Variants in MARF1 observed in about 807,000 individuals in gnomAD.
MARF1 encodes meiosis regulator and mRNA stability factor 1.
A neutral mutation model predicts 168.2 loss-of-function variants in MARF1; 24 were observed. That is an observed-to-expected ratio of 0.14 (90% CI 0.10 to 0.20). MARF1 has a LOEUF of 0.20. MARF1 is among the 10% of genes least tolerant of loss of function. MARF1 has a pLI of 1.00. For synonymous variants in MARF1, 868 were observed against 822.4 expected (o/e 1.06, Z -0.95); for missense variants, 1,744 against 2,143.6 (o/e 0.81, Z 3.68).
At chr16:15,607,980 G>A (rs778305593) in intron 21 of MARF1, among the ~76,000 whole-genome samples, 1 of 152,180 alleles carries the variant, frequency 6.6e-6, no homozygotes, top group Non-Finnish European at 1.5e-5. Flanking sequence ...GGCCAGCAGT[G>A]CTGAGGCAGC....
chr16:15,604,066 C>T (rs1004212485), intron 22 of MARF1, 102 bp downstream of exon 22: 2 of 886,278 alleles, frequency 2.3e-6, no homozygotes, highest in South Asian at 1.6e-5. Context: ...TCTCTCGGGT[C>T]CCTTCCAGCT....
rs778381855 is a variant in MARF1 at position 15,595,644 on chromosome 16, CAT to C, written c.*1047_*1048del. The C allele has an allele frequency of 1.3e-5, 2 of 152,222 alleles. No homozygotes were observed. Among genetic ancestry groups the C allele is most frequent in the East Asian group, 1.9e-4 (1 of 5,186 alleles). 9.4% of individuals were successfully genotyped at this position (152,222 alleles called of 1,614,324 possible). A position where few individuals can be genotyped will look rare whatever the true frequency, so the allele number is the denominator to read the frequency against. ...ACACGATTAAAAGATGCTGAGCTGA[CAT>C]ACACACACATAAAGCTTCCCAGCTA... On this transcript the variant is annotated 3_prime_UTR_variant, in exon 27 of 27. Coordinates refer to ENST00000396368, the MANE Select transcript of MARF1 (RefSeq NM_014647.4).
chr16:15,601,178 C>G, intron 23 of MARF1: 1 of 436,266 alleles, frequency 2.3e-6, no homozygotes, highest in South Asian at 1.6e-5. Context: ...TGGAGCTAGG[C>G]TCCCAGGCCC....
At chr16:15,601,357 C>T in intron 23 of MARF1, 2 of 292,776 alleles carry the variant, frequency 6.8e-6, no homozygotes, top group South Asian at 6.6e-5. Flanking sequence ...TTCCCTTCTC[C>T]ATGCCTGCTT....
chr16:15,595,344 T>G lies in MARF1; in HGVS notation c.*1349A>C, dbSNP rs2031576206. ...GAAATCAGAGTCCATTTTCTGGCTT[T>G]CTAGAAGTTACCAAATATAAACATT... is the stretch of plus-strand genomic sequence containing the variant. On this transcript the variant is annotated 3_prime_UTR_variant, in exon 27 of 27. Transcript: ENST00000396368. The G allele has an allele frequency of 6.6e-6, 1 of 152,656 alleles. No individual in the cohort carries two copies. Among genetic ancestry groups the G allele is most frequent in the Admixed American group, 6.5e-5 (1 of 15,284 alleles). The allele number at this position is 152,656 out of a possible 1,614,324, so 9.5% of individuals were successfully genotyped here. A position where few individuals can be genotyped will look rare whatever the true frequency, so the allele number is the denominator to read the frequency against.
At chr16:15,623,273 T>TA in intron 10 of MARF1, 150 bp from the exon 11 acceptor site, 53 of 323,772 alleles carry the variant, frequency 1.6e-4, no homozygotes, top group Non-Finnish European at 2.0e-4. Flanking sequence ...GTGTTTTTAA[T>TA]CTTTTTTTTT....
At chr16:15,608,183 G>A (rs1398401749) in intron 21 of MARF1, 108 bp downstream of exon 21, 1 of 681,242 alleles carries the variant, frequency 1.5e-6, no homozygotes, top group Non-Finnish European at 2.5e-6. Flanking sequence ...GTAGTTCAAG[G>A]TGTAAATAAA....
At chr16:15,617,615 GAAC>G (rs1947479878) in intron 13 of MARF1, 80 bp from the exon 14 acceptor site, 13 of 919,728 alleles carry the variant, frequency 1.4e-5, no homozygotes, top group South Asian at 1.4e-4. Context: ...TTTAAATAAA[GAAC>G]AATAACCAAG....
At chr16:15,627,195 T>A (rs1180808012) in intron 7 of MARF1, among the ~76,000 whole-genome samples, 1 of 151,018 alleles carries the variant, frequency 6.6e-6, no homozygotes, top group East Asian at 2.0e-4. Context: ...CTATTAAAAA[T>A]TTTTAAAAAT....
intron 23 of MARF1, chr16:15,601,545 T>G: frequency 4.1e-6 from 1 of 243,886 alleles, no homozygotes; most frequent in South Asian, 5.9e-5. Context: ...ACCCTGCATC[T>G]GCTCATGTCA....
Position 15,600,421 on chromosome 16 carries a change from C to G in MARF1, c.4813+7G>C. On this transcript the variant is annotated splice_region_variant and intron_variant, in intron 25 of 26. Transcript: ENST00000396368. ...AAGCTCCTATGTCTCTGCTTTTCCT[C>G]TCTTACCACTGCCGTCAGCTCCAAG... 1.9e-6 allele frequency: 3 copies of G among 1,614,166 alleles called. No homozygotes were observed. Among genetic ancestry groups the G allele is most frequent in the Admixed American group, 1.7e-5 (1 of 60,030 alleles).
intron 13 of MARF1, among the ~76,000 whole-genome samples, chr16:15,619,192 A>T (rs1373506679): frequency 6.6e-6 from 1 of 152,228 alleles, no homozygotes; most frequent in Non-Finnish European, 1.5e-5. Flanking sequence ...TGGGAGGATC[A>T]TCTGAGTCCA....
intron 24 of MARF1, 29 bp from the exon 25 acceptor site, chr16:15,600,582 G>C (rs1447225715): frequency 1.2e-6 from 2 of 1,614,216 alleles, no homozygotes; most frequent in East Asian, 2.2e-5. Flanking sequence ...CCGTCAGAGA[G>C]AAATGTCAGT....
intron 23 of MARF1, 173 bp from the exon 24 acceptor site, chr16:15,600,874 T>C (rs983833857): frequency 4.5e-5 from 33 of 736,548 alleles, no homozygotes; most frequent in Middle Eastern, 5.1e-4. Flanking sequence ...CAACAGAAGC[T>C]GACAGAAACA....
Position 15,630,365 on chromosome 16 carries a change from G to A in MARF1, c.1491C>T (p.Ser497=). The A allele has an allele frequency of 2.5e-6, 4 of 1,604,692 alleles. No homozygotes were observed. The highest frequency in any genetic ancestry group is 1.3e-5 in the African/African-American group (1 of 74,686). ...NELIRFEEFI[S]DLPPRLPLKM... ...TTAGTGGTAACCTGGGGGGCAAGTC[G>A]GAAATGAACTCTTCAAATCTGATCA... The change falls in exon 7 of 27, where the codon TCC becomes TCT. Residue 497 remains serine (S), a synonymous_variant. Transcript: ENST00000396368.
At position 15,594,494 on chromosome 16, in the gene MARF1, A is replaced by C. The variant is rs1366983110; in HGVS notation, c.*2199T>G. On this transcript the variant is annotated 3_prime_UTR_variant, in exon 27 of 27. Transcript: ENST00000396368. ...AACAAAGTAGACAACTAAGAAAAACATCTCTTTCCCCCAAACCCAATCCAA... is the reference window on the plus strand; with the variant it reads ...AACAAAGTAGACAACTAAGAAAAACCTCTCTTTCCCCCAAACCCAATCCAA... 6.6e-6 allele frequency: 1 copy of C among 152,648 alleles called. No individual in the cohort carries two copies. The highest frequency in any genetic ancestry group is 1.5e-5 in the Non-Finnish European group (1 of 68,036). The allele number at this position is 152,648 out of a possible 1,614,324, so 9.5% of individuals were successfully genotyped here. A position where few individuals can be genotyped will look rare whatever the true frequency, so the allele number is the denominator to read the frequency against.
chr16:15,609,867 C>T lies in MARF1; in HGVS notation c.3752-142G>A. 3 of 680,952 alleles carry T rather than the reference C, an allele frequency of 4.4e-6. No individual in the cohort carries two copies. In the South Asian group the frequency reaches 5.8e-5, roughly 13 times the overall value. 42.2% of individuals were successfully genotyped at this position (680,952 alleles called of 1,614,324 possible). Reference sequence around the variant, plus strand: ...AAACACACACAACCTAAAACAAACACATATACTCTTCCCTCTTTGCAAGTG... The same window carrying T: ...AAACACACACAACCTAAAACAAACATATATACTCTTCCCTCTTTGCAAGTG... On this transcript the variant is annotated intron_variant, in intron 19 of 26. Coordinates refer to ENST00000396368, the MANE Select transcript of MARF1 (RefSeq NM_014647.4).
chr16:15,635,522 G>T, intron 3 of MARF1, 134 bp downstream of exon 3: 1 of 766,304 alleles, frequency 1.3e-6, no homozygotes, highest in Non-Finnish European at 2.0e-6. Context: ...CAAAAATTAT[G>T]CTGATGGGGA....
At position 15,595,336 on chromosome 16, in the gene MARF1, T is replaced by C. The variant is rs558019026; in HGVS notation, c.*1357A>G. On this transcript the variant is annotated 3_prime_UTR_variant, in exon 27 of 27. Coordinates refer to ENST00000396368, the MANE Select transcript of MARF1 (RefSeq NM_014647.4). ...AATGCTATGAAATCAGAGTCCATTTTCTGGCTTTCTAGAAGTTACCAAATA... is the reference window on the plus strand; with the variant it reads ...AATGCTATGAAATCAGAGTCCATTTCCTGGCTTTCTAGAAGTTACCAAATA... The C allele has an allele frequency of 2.0e-5, 3 of 152,656 alleles. No homozygotes were observed. In the South Asian group the frequency reaches 6.2e-4, roughly 32 times the overall value. The allele number at this position is 152,656 out of a possible 1,614,324, so 9.5% of individuals were successfully genotyped here.
Sources: allele counts gnomAD v4.1 joint callset (sites outside exome capture counted in the v4.1 genomes callset), GRCh38; gene constraint gnomAD v4.1.1; transcripts MANE v1.5; gene names NCBI Gene and HGNC (gene_info 2026-07-23, HGNC 2026-07-21).